The following STAT5B variants were observed in gnomAD, a reference collection of about 807,000 sequenced individuals.
STAT5B encodes transcription factor STAT5B.
A neutral mutation model predicts 107.8 loss-of-function variants in STAT5B; 21 were observed. The observed-to-expected ratio is 0.19, with a 90% CI of 0.14 to 0.28. The LOEUF is 0.28. STAT5B is among the 10% of genes least tolerant of loss of function. STAT5B has a pLI of 1.00. For synonymous variants in STAT5B, 325 were observed against 401.7 expected, an observed-to-expected ratio of 0.81 and a Z score of 2.28; for missense variants, 565 against 1,008.2, an observed-to-expected ratio of 0.56 and a Z score of 5.95.
intron 1 of STAT5B, among the ~76,000 whole-genome samples, chr17:42,256,597 C>T (rs1425146064): frequency 1.3e-5 from 2 of 152,086 alleles, no homozygotes; most frequent in African/African-American, 4.8e-5. Flanking sequence ...CAGTGGCTCA[C>T]GCCTGTAATC....
chr17:42,205,379 T>A (rs1292267585), intron 16 of STAT5B, among the ~76,000 whole-genome samples: 2 of 152,030 alleles, frequency 1.3e-5, no homozygotes, highest in Non-Finnish European at 2.9e-5. Context: ...AAAAATTACA[T>A]ATGATATGGT....
At chr17:42,214,138 G>A (rs1174180302) in intron 12 of STAT5B, 1 of 880,790 alleles carries the variant, frequency 1.1e-6, no homozygotes, top group Non-Finnish European at 1.4e-6. Context: ...GCAAGACTCT[G>A]TCTCAAAAAA....
At chr17:42,217,518 C>A (rs2080182556) in intron 9 of STAT5B, 54 bp from the exon 10 acceptor site, 7 of 1,593,000 alleles carry the variant, frequency 4.4e-6, no homozygotes, top group Non-Finnish European at 6.0e-6. Context: ...TCAGGACATG[C>A]GGAGTAAATA....
chr17:42,208,402 A>G (rs544055091), intron 15 of STAT5B, among the ~76,000 whole-genome samples: 1 of 151,960 alleles, frequency 6.6e-6, no homozygotes. Flanking sequence ...ATGCTGAGGT[A>G]GGAGAATGGC....
At chr17:42,251,361 A>C (rs1396462932) in intron 1 of STAT5B, among the ~76,000 whole-genome samples, 1 of 152,228 alleles carries the variant, frequency 6.6e-6, no homozygotes, top group Admixed American at 6.5e-5. Context: ...CTGAGTTGTT[A>C]ACTTTGTTAA....
intron 1 of STAT5B, chr17:42,272,048 G>A (rs1306880749): frequency 6.6e-6 from 1 of 152,102 alleles, no homozygotes; most frequent in African/African-American, 2.4e-5. Flanking sequence ...AGCATAAAGC[G>A]AGTTAAAGGC....
At position 42,199,353 on chromosome 17, in the gene STAT5B, G is replaced by T. The variant is rs2080026208; in HGVS notation, c.*2385C>A. On this transcript the variant is annotated 3_prime_UTR_variant, in exon 19 of 19. Transcript: ENST00000293328. The stretch of plus-strand genomic sequence containing the variant: ...TGCCTTGACACTAAAATATGTATCT[G>T]AAATAATTTCACCAAGTTTTAAAAA... 1 of 152,092 alleles carries T rather than the reference G, an allele frequency of 6.6e-6. No individual in the cohort carries two copies. The highest frequency in any genetic ancestry group is 2.1e-4 in the South Asian group (1 of 4,810). 9.4% of individuals were successfully genotyped at this position (152,092 alleles called of 1,614,324 possible).
chr17:42,228,520 A>G (rs1377025926), intron 2 of STAT5B, among the ~76,000 whole-genome samples: 2 of 152,220 alleles, frequency 1.3e-5, no homozygotes, highest in African/African-American at 2.4e-5. Context: ...ATAACATTCA[A>G]TAACTGCTGA....
At chr17:42,262,898 ATATATATGTG>A (rs2080619940) in intron 1 of STAT5B, among the ~76,000 whole-genome samples, 1 of 122,538 alleles carries the variant, frequency 8.2e-6, no homozygotes, top group African/African-American at 3.2e-5. Flanking sequence ...ATATGTGTGT[ATATATATGTG>A]TATATATATG....
chr17:42,284,010 C>A, the STAT5B span, among the ~76,000 whole-genome samples: 1 of 152,132 alleles, frequency 6.6e-6, no homozygotes, highest in Non-Finnish European at 1.5e-5. Flanking sequence ...TCCTAGAAAG[C>A]CTCCAGCTTT....
At chr17:42,209,031 C>CCAAAAGTTATTAAAAACTTTAATTCA in intron 15 of STAT5B, among the ~76,000 whole-genome samples, 1 of 145,170 alleles carries the variant, frequency 6.9e-6, no homozygotes, top group African/African-American at 2.6e-5. Flanking sequence ...CCGCACCCAG[C>CCAAAAGTTATTAAAAACTTTAATTCA]CTTTTTTTTT....
intron 16 of STAT5B, among the ~76,000 whole-genome samples, chr17:42,205,741 A>C (rs2080079709): frequency 6.6e-6 from 1 of 152,060 alleles, no homozygotes; most frequent in South Asian, 2.1e-4. Context: ...AAGACCCCAT[A>C]TCTATAAAAA....
chr17:42,273,953 T>C (rs944024514), intron 1 of STAT5B, among the ~76,000 whole-genome samples: 2 of 151,842 alleles, frequency 1.3e-5, no homozygotes, highest in Non-Finnish European at 2.9e-5. Context: ...AGGAAGAAAA[T>C]GGAGATGAGA....
chr17:42,272,930 T>C (rs2080732841), intron 1 of STAT5B, among the ~76,000 whole-genome samples: 1 of 152,210 alleles, frequency 6.6e-6, no homozygotes, highest in Non-Finnish European at 1.5e-5. Context: ...TCTCTTTTGA[T>C]TAGTAAAAAC....
intron 9 of STAT5B, chr17:42,217,745 G>A: frequency 2.1e-6 from 1 of 477,526 alleles, no homozygotes; most frequent in Non-Finnish European, 3.8e-6. Context: ...CTGGAGTGCA[G>A]TGGCGTGATC....
intron 1 of STAT5B, among the ~76,000 whole-genome samples, chr17:42,249,402 A>G (rs1030645956): frequency 4.6e-5 from 7 of 152,004 alleles, no homozygotes; most frequent in Admixed American, 4.6e-4. Flanking sequence ...CAAAAAAAAT[A>G]AAAAGAAAAA....
intron 12 of STAT5B, among the ~76,000 whole-genome samples, chr17:42,215,670 G>A (rs1210498813): frequency 1.3e-5 from 2 of 152,056 alleles, no homozygotes; most frequent in Non-Finnish European, 2.9e-5. Flanking sequence ...CCAGGCTGGA[G>A]TGCAGTGGTG....
At chr17:42,215,174 T>G (rs962489040) in intron 12 of STAT5B, among the ~76,000 whole-genome samples, 4 of 152,168 alleles carry the variant, frequency 2.6e-5, no homozygotes, top group Non-Finnish European at 5.9e-5. Flanking sequence ...CTAGAATGAA[T>G]CACAGAAACT....
At chr17:42,202,572 T>A in intron 17 of STAT5B, 125 bp from the exon 18 acceptor site, 1 of 1,444,338 alleles carries the variant, frequency 6.9e-7, no homozygotes, top group Non-Finnish European at 9.7e-7. Context: ...CACTCGGCCC[T>A]GGGGCTCCAG....
Sources: gnomAD v4.1 joint callset for allele counts (sites outside exome capture counted in the v4.1 genomes callset) on GRCh38, gnomAD v4.1.1 for gene constraint, MANE v1.5 for transcripts, NCBI Gene and HGNC (gene_info 2026-07-23, HGNC 2026-07-21) for gene names.